TCF7L2: variants seen among roughly 807,000 people sequenced by gnomAD.
TCF7L2 encodes transcription factor 7-like 2.
TCF7L2 carries 23 observed loss-of-function variants against 77.9 expected under a neutral mutation model. The observed-to-expected ratio is 0.30, with a 90% CI of 0.21 to 0.42. The LOEUF (loss-of-function observed/expected upper bound fraction) is 0.42, where lower values mean the gene tolerates loss of function less well. Among genes scored for constraint, TCF7L2 ranks in the 10% least tolerant of loss-of-function variants. The probability of loss-of-function intolerance (pLI) is 1.00; values close to 1 mark genes in which losing one functional copy is unlikely to be tolerated. For synonymous variants in TCF7L2, 413 were observed against 340.2 expected, an observed-to-expected ratio of 1.21 and a Z score of -2.36; for missense variants, 654 against 793.1, an observed-to-expected ratio of 0.82 and a Z score of 2.11.
At chr10:113,017,238 G>A (rs961601514) in intron 4 of TCF7L2, among the ~76,000 whole-genome samples, 1 of 152,206 alleles carries the variant, frequency 6.6e-6, no homozygotes, top group Non-Finnish European at 1.5e-5. Flanking sequence ...TGGTCCCACA[G>A]GGCAGTAATA....
At chr10:112,972,212 A>C (rs574965140) in intron 4 of TCF7L2, among the ~76,000 whole-genome samples, 1 of 152,278 alleles carries the variant, frequency 6.6e-6, no homozygotes, top group South Asian at 2.1e-4. Context: ...CATTGGGATA[A>C]TATTTTCTTA....
At chr10:113,113,981 T>TA (rs2063442666) in intron 5 of TCF7L2, among the ~76,000 whole-genome samples, 1 of 152,222 alleles carries the variant, frequency 6.6e-6, no homozygotes, top group African/African-American at 2.4e-5. Context: ...TATCAGTTGT[T>TA]ACAGGTCAAA....
chr10:113,071,987 A>G (rs901006883), intron 5 of TCF7L2, among the ~76,000 whole-genome samples: 19 of 152,378 alleles, frequency 1.2e-4, no homozygotes, highest in Non-Finnish European at 2.4e-4. Context: ...TACTGTTTTA[A>G]TAAGGGAGGT....
intron 4 of TCF7L2, among the ~76,000 whole-genome samples, chr10:113,003,769 A>G (rs1278839956): frequency 6.6e-6 from 1 of 152,202 alleles, no homozygotes; most frequent in East Asian, 1.9e-4. Context: ...GCGAGTATCA[A>G]TCAACGTCAG....
chr10:113,155,884 G>A (rs2071767946), intron 11 of TCF7L2, among the ~76,000 whole-genome samples: 1 of 152,148 alleles, frequency 6.6e-6, no homozygotes. Flanking sequence ...AAGCACATGA[G>A]GTCCTTTTAA....
intron 4 of TCF7L2, among the ~76,000 whole-genome samples, chr10:112,987,066 A>G (rs1023615321): frequency 1.1e-4 from 17 of 152,334 alleles, no homozygotes; most frequent in Non-Finnish European, 2.2e-4. Context: ...GGGCACTGGA[A>G]ACGACAACCC....
At chr10:113,162,272 C>A (rs1303271129) in intron 13 of TCF7L2, among the ~76,000 whole-genome samples, 2 of 152,180 alleles carry the variant, frequency 1.3e-5, no homozygotes, top group African/African-American at 2.4e-5. Context: ...GTGTGCTCCT[C>A]ACAATAAGGC....
chr10:113,085,398 T>A (rs2059733944), intron 5 of TCF7L2, among the ~76,000 whole-genome samples: 1 of 152,082 alleles, frequency 6.6e-6, no homozygotes, highest in African/African-American at 2.4e-5. Context: ...TACAAAATTC[T>A]CATCTCTGGA....
chr10:113,001,189 C>T (rs534155815), intron 4 of TCF7L2, among the ~76,000 whole-genome samples: 6 of 152,212 alleles, frequency 3.9e-5, no homozygotes, highest in East Asian at 3.8e-4. Context: ...CTCCCGTCTT[C>T]GGATGGCTCC....
intron 5 of TCF7L2, among the ~76,000 whole-genome samples, chr10:113,058,929 A>G (rs1279362221): frequency 6.6e-6 from 1 of 152,152 alleles, no homozygotes; most frequent in African/African-American, 2.4e-5. Flanking sequence ...CAAACAGGAA[A>G]CGGTGCTCAC....
At chr10:113,011,564 T>C (rs1001807702) in intron 4 of TCF7L2, among the ~76,000 whole-genome samples, 2 of 152,200 alleles carry the variant, frequency 1.3e-5, no homozygotes, top group African/African-American at 4.8e-5. Flanking sequence ...TGAGTATTGC[T>C]GTCAAGTGTT....
At chr10:113,047,408 C>CAG (rs1284542016) in intron 5 of TCF7L2, among the ~76,000 whole-genome samples, 1 of 152,176 alleles carries the variant, frequency 6.6e-6, no homozygotes, top group Non-Finnish European at 1.5e-5. Flanking sequence ...CGCCCTAGAA[C>CAG]AGAGACCCAG....
At chr10:112,995,693 G>A (rs2043341080) in intron 4 of TCF7L2, among the ~76,000 whole-genome samples, 1 of 152,140 alleles carries the variant, frequency 6.6e-6, no homozygotes, top group Non-Finnish European at 1.5e-5. Flanking sequence ...TAGCCTAAAG[G>A]TCATTCCCTC....
At chr10:113,116,113 A>T (rs1174314544) in intron 5 of TCF7L2, among the ~76,000 whole-genome samples, 1 of 152,208 alleles carries the variant, frequency 6.6e-6, no homozygotes, top group Non-Finnish European at 1.5e-5. Flanking sequence ...TGTTTGTCTT[A>T]GGAGCAGAAA....
chr10:112,961,254 A>AC (rs372246814), intron 3 of TCF7L2, among the ~76,000 whole-genome samples: 2,175 of 60,178 alleles, frequency 0.036, 173 homozygotes, highest in Admixed American at 0.065. Context: ...ACCTCAGGTG[A>AC]CCCCCCCCCC....
At chr10:112,951,316 C>G (rs748754971) in intron 2 of TCF7L2, 43 bp downstream of exon 2, 1 of 1,016,774 alleles carries the variant, frequency 9.8e-7, no homozygotes, top group South Asian at 3.8e-5. Flanking sequence ...GGAGCCGCCC[C>G]CCGGGCCGGC....
At chr10:113,061,341 C>T (rs76586233) in intron 5 of TCF7L2, among the ~76,000 whole-genome samples, 1,765 of 152,238 alleles carry the variant, frequency 0.012, 19 homozygotes, top group East Asian at 0.016. Context: ...ATTCTGAGGT[C>T]CAGCGTCTGC....
At position 113,166,793 on chromosome 10, in the gene TCF7L2, G is replaced by GTA. The variant is rs2074060810; in HGVS notation, c.*829_*830dup. The GTA allele has an allele frequency of 2.2e-5, 5 of 226,596 alleles. No homozygotes were observed. The highest frequency in any genetic ancestry group is 1.8e-4 in the South Asian group (1 of 5,440). The allele number at this position is 226,596 out of a possible 1,614,324, so 14.0% of individuals were successfully genotyped here. On this transcript the variant is annotated 3_prime_UTR_variant, in exon 14 of 14. Transcript: ENST00000627217. ...GTTTTTAAGTTTATATATAAAATGTGTATATATATTTTTGTTTCCCCTTTT... is the reference window on the plus strand; with the variant it reads ...GTTTTTAAGTTTATATATAAAATGTGTATATATATATTTTTGTTTCCCCTTTT...
intron 5 of TCF7L2, among the ~76,000 whole-genome samples, chr10:113,060,928 A>G (rs2056337807): frequency 6.6e-6 from 1 of 152,082 alleles, no homozygotes; most frequent in Non-Finnish European, 1.5e-5. Flanking sequence ...TCAGAACCCT[A>G]TCACATCTAG....
Sources: allele counts gnomAD v4.1 joint callset (sites outside exome capture counted in the v4.1 genomes callset), GRCh38; gene constraint gnomAD v4.1.1; transcripts MANE v1.5; gene names NCBI Gene and HGNC (gene_info 2026-07-23, HGNC 2026-07-21).